The following BCAS3 variants were observed in gnomAD, a reference collection of about 807,000 sequenced individuals.
The protein encoded by BCAS3 is BCAS3 microtubule associated cell migration factor.
In BCAS3, 53 loss-of-function variants were observed where a neutral mutation model predicts 116.1. The observed-to-expected ratio is 0.46, with a 90% CI of 0.37 to 0.57. The LOEUF (loss-of-function observed/expected upper bound fraction) is 0.57, where lower values mean the gene tolerates loss of function less well. BCAS3 is among the 20% of genes least tolerant of loss of function. The probability of loss-of-function intolerance (pLI) is 0.00; values close to 1 mark genes in which losing one functional copy is unlikely to be tolerated. For missense variants in BCAS3, 917 were observed against 1,165.4 expected (o/e 0.79, Z 3.10); for synonymous variants, 391 against 408.2 (o/e 0.96, Z 0.51).
At chr17:60,944,912 C>T (rs2145237252) in intron 13 of BCAS3, among the ~76,000 whole-genome samples, 1 of 152,226 alleles carries the variant, frequency 6.6e-6, no homozygotes, top group Non-Finnish European at 1.5e-5. Context: ...GAATGCTTTC[C>T]TCCTACAACA....
Position 61,360,311 on chromosome 17 carries a change from T to C in BCAS3, c.2426-8016T>C, listed in dbSNP as rs140772324. Reference sequence around the variant, plus strand: ...TGAGCCACTATGCCCAACCAACTTTTGTTTAATACAGTCTTTCATAATACT... The same window carrying C: ...TGAGCCACTATGCCCAACCAACTTTCGTTTAATACAGTCTTTCATAATACT... On this transcript the variant is annotated intron_variant, in intron 22 of 23. Coordinates refer to ENST00000407086, the MANE Select transcript of BCAS3 (RefSeq NM_017679.5). Among the ~76,000 whole-genome samples the C allele has an allele frequency of 8.6e-3, 1,306 of 152,336 alleles. 9 individuals carry two copies. Among genetic ancestry groups the C allele is most frequent in the Non-Finnish European group, 0.01 (708 of 68,032 alleles).
chr17:60,900,701 G>C (rs2057830851), intron 10 of BCAS3, among the ~76,000 whole-genome samples: 1 of 150,644 alleles, frequency 6.6e-6, no homozygotes, highest in Admixed American at 6.6e-5. Flanking sequence ...TTGGCAAACT[G>C]CTTTTTTTTT....
In BCAS3 at chr17:61,345,733, A is replaced by C. The variant is rs985737714; in HGVS notation, c.2426-22594A>C. Among the ~76,000 whole-genome samples, 36 of 151,838 alleles carry C rather than the reference A, an allele frequency of 2.4e-4. 1 individual carries two copies. Among genetic ancestry groups the C allele is most frequent in the African/African-American group, 8.7e-4 (36 of 41,306 alleles). On this transcript the variant is annotated intron_variant, in intron 22 of 23. Coordinates refer to ENST00000407086, the MANE Select transcript of BCAS3 (RefSeq NM_017679.5). ...GTGGACTTAGTGAGGGTGTTAGAGG[A>C]CCTATGAGCCCCAAACACGGGGATG...
rs745924195 is a variant in BCAS3 at position 61,199,730 on chromosome 17, A to C, written c.2425+115166A>C. On this transcript the variant is annotated intron_variant, in intron 22 of 23. Coordinates refer to ENST00000407086, the MANE Select transcript of BCAS3 (RefSeq NM_017679.5). The surrounding 1 kb of genome is among the most constrained non-coding windows in gnomAD (Gnocchi z 4.6). ...ACAGCTTAATTTTGATAGGATCCCT[A>C]TGATCTTTGTAAGCGTATTCATGCC... is the stretch of plus-strand genomic sequence containing the variant. Among the ~76,000 whole-genome samples the C allele has an allele frequency of 1.3e-5, 2 of 151,922 alleles. No homozygotes were observed. The highest frequency in any genetic ancestry group is 2.9e-5 in the Non-Finnish European group (2 of 68,018).
intron 22 of BCAS3, among the ~76,000 whole-genome samples, chr17:61,163,888 AGCCAGGAGAATCGCTTGTTTCTCCTCT>A (rs1227868288): frequency 6.6e-6 from 1 of 151,294 alleles, no homozygotes; most frequent in African/African-American, 2.4e-5. Context: ...CGGGAGTCTG[AGCCAGGAGAATCGCTTGTTTCTCCTCT>A]GCCTCTGGGA....
At chr17:61,232,565 T>G (rs2082754072) in intron 22 of BCAS3, among the ~76,000 whole-genome samples, 1 of 152,292 alleles carries the variant, frequency 6.6e-6, no homozygotes, top group South Asian at 2.1e-4. Context: ...CATGTTCTAG[T>G]CCTGCTTTGA....
At position 61,258,446 on chromosome 17, in the gene BCAS3, C is replaced by T. The variant is rs2048957819; in HGVS notation, c.2426-109881C>T. ...ATCTAGGTTTGAGTTGTGGGTCTGC[C>T]ACTTCTTCACTAGCTGTTGACCTTA... On this transcript the variant is annotated intron_variant, in intron 22 of 23. Transcript: ENST00000407086. The surrounding 1 kb of genome is among the most constrained non-coding windows in gnomAD (Gnocchi z 4.7). Among the ~76,000 whole-genome samples, 1 of 152,168 alleles carries T rather than the reference C, an allele frequency of 6.6e-6. No individual in the cohort carries two copies. The highest frequency in any genetic ancestry group is 6.5e-5 in the Admixed American group (1 of 15,276).
chr17:60,920,502 C>G (rs2059014294), intron 12 of BCAS3, among the ~76,000 whole-genome samples: 1 of 152,278 alleles, frequency 6.6e-6, no homozygotes, highest in Non-Finnish European at 1.5e-5. Context: ...CTCATCATCT[C>G]TCATCATCAG....
intron 14 of BCAS3, chr17:60,980,695 A>G (rs1446135247): frequency 6.6e-6 from 1 of 151,854 alleles, no homozygotes; most frequent in Non-Finnish European, 1.5e-5. Context: ...CAGTATGCCC[A>G]GCTAATTTTT....
chr17:61,185,494 CAA>C (rs2079712729), intron 22 of BCAS3, among the ~76,000 whole-genome samples: 1 of 152,072 alleles, frequency 6.6e-6, no homozygotes, highest in Admixed American at 6.6e-5. Context: ...CCTCTCAAAA[CAA>C]AAGTTAGAGA....
At chr17:61,209,137 TGAA>T (rs1449583791) in intron 22 of BCAS3, among the ~76,000 whole-genome samples, 1 of 143,876 alleles carries the variant, frequency 7.0e-6, no homozygotes, top group Admixed American at 7.1e-5. Flanking sequence ...CTGTTTTTGC[TGAA>T]GAAGAAGAAA....
At chr17:61,296,231 G>A (rs984965628) in intron 22 of BCAS3, among the ~76,000 whole-genome samples, 1 of 152,102 alleles carries the variant, frequency 6.6e-6, no homozygotes. Flanking sequence ...TTACCCAGAG[G>A]TCATATGCAT....
intron 10 of BCAS3, 43 bp from the exon 11 acceptor site, chr17:60,902,572 CAGATT>C: frequency 6.9e-7 from 1 of 1,447,942 alleles, no homozygotes; most frequent in South Asian, 1.1e-5. Flanking sequence ...TAGAGTTAAA[CAGATT>C]AATAGAAATG....
chr17:61,104,975 C>T lies in BCAS3; in HGVS notation c.2425+20411C>T, dbSNP rs2074549600. On this transcript the variant is annotated intron_variant, in intron 22 of 23. Transcript: ENST00000407086. The surrounding 1 kb of genome is among the most constrained non-coding windows in gnomAD (Gnocchi z 4.1). ...GCTGAGAGTAGGAAAACTCATGAGG[C>T]TTTTTCTCATCACAAGCTGTGTAAT... Among the ~76,000 whole-genome samples, 1 of 152,128 alleles carries T rather than the reference C, an allele frequency of 6.6e-6. No homozygotes were observed. The highest frequency in any genetic ancestry group is 2.4e-5 in the African/African-American group (1 of 41,440).
Position 61,203,019 on chromosome 17 carries a change from T to C in BCAS3, c.2425+118455T>C, listed in dbSNP as rs2080928501. Among the ~76,000 whole-genome samples, 1 of 152,206 alleles carries C rather than the reference T, an allele frequency of 6.6e-6. No individual in the cohort carries two copies. Among genetic ancestry groups the C allele is most frequent in the Non-Finnish European group, 1.5e-5 (1 of 68,022 alleles). ...ATTAGGGCTAATATTAAATTTTGTG[T>C]GGTTGCTGAAGAAGTTTACTGTGCA... On this transcript the variant is annotated intron_variant, in intron 22 of 23. Transcript: ENST00000407086. This position sits in a 1 kb window ranked among gnomAD's most constrained non-coding sequence, Gnocchi z 5.7.
chr17:61,195,452 TGGGCTCA>T (rs1468365929), intron 22 of BCAS3, among the ~76,000 whole-genome samples: 2 of 152,176 alleles, frequency 1.3e-5, no homozygotes, highest in Non-Finnish European at 2.9e-5. Context: ...CTCAACCTCC[TGGGCTCA>T]GGTGATCCTC....
intron 22 of BCAS3, among the ~76,000 whole-genome samples, chr17:61,263,969 C>T (rs537881046): frequency 6.6e-6 from 1 of 152,274 alleles, no homozygotes; most frequent in South Asian, 2.1e-4. Flanking sequence ...GTTGGATACT[C>T]ATACACTGTT....
At chr17:60,733,751 G>A (rs1445876028) in intron 5 of BCAS3, among the ~76,000 whole-genome samples, 1 of 152,080 alleles carries the variant, frequency 6.6e-6, no homozygotes, top group African/African-American at 2.4e-5. Flanking sequence ...GGAGGCTGAG[G>A]TGGGAGAAAT....
chr17:60,892,645 G>T (rs905738046), intron 10 of BCAS3, among the ~76,000 whole-genome samples: 2 of 151,364 alleles, frequency 1.3e-5, no homozygotes, highest in African/African-American at 2.4e-5. Context: ...TTTCGGCCCG[G>T]CATGGTGGCT....
Sources: allele counts gnomAD v4.1 joint callset (sites outside exome capture counted in the v4.1 genomes callset), GRCh38; gene constraint gnomAD v4.1.1; non-coding constraint Gnocchi (gnomAD v3.1); transcripts MANE v1.5; gene names NCBI Gene and HGNC (gene_info 2026-07-23, HGNC 2026-07-21).